CA10: variants seen among roughly 807,000 people sequenced by gnomAD.
CA10 encodes carbonic anhydrase 10 (inactive).
A neutral mutation model predicts 44.2 loss-of-function variants in CA10; 14 were observed. The ratio of observed to expected loss-of-function variants is 0.32; its 90% CI spans 0.21 to 0.50. The LOEUF is 0.50. Among genes scored for constraint, CA10 ranks in the 20% least tolerant of loss-of-function variants. CA10 has a pLI of 0.99. For missense variants in CA10, 350 were observed against 409.7 expected (o/e 0.85, Z 1.26); for synonymous variants, 159 against 141.6 (o/e 1.12, Z -0.87).
At chr17:51,822,969 C>T (rs1412138450) in intron 3 of CA10, among the ~76,000 whole-genome samples, 1 of 152,242 alleles carries the variant, frequency 6.6e-6, no homozygotes, top group South Asian at 2.1e-4. Flanking sequence ...CAACTGCCCT[C>T]CCCCACCCAC....
At chr17:52,101,580 A>G (rs1988540701) in intron 1 of CA10, among the ~76,000 whole-genome samples, 1 of 152,190 alleles carries the variant, frequency 6.6e-6, no homozygotes, top group Admixed American at 6.5e-5. Context: ...GATGCTTTTG[A>G]CCAATCCACA....
At chr17:52,157,191 T>C (rs1598245406) in intron 1 of CA10, among the ~76,000 whole-genome samples, 1 of 151,652 alleles carries the variant, frequency 6.6e-6, no homozygotes, top group South Asian at 2.1e-4. Context: ...TGTCAGCAGG[T>C]TTCAAAGCAT....
At chr17:52,089,345 C>A (rs1988201721) in intron 1 of CA10, among the ~76,000 whole-genome samples, 1 of 152,128 alleles carries the variant, frequency 6.6e-6, no homozygotes, top group Non-Finnish European at 1.5e-5. Flanking sequence ...GGCATTAGGT[C>A]TTGGACTTGA....
intron 2 of CA10, among the ~76,000 whole-genome samples, chr17:52,062,401 G>A (rs1444244620): frequency 6.6e-6 from 1 of 152,158 alleles, no homozygotes; most frequent in East Asian, 1.9e-4. Flanking sequence ...ATCCAGTGGT[G>A]CTGAGGGGTA....
intron 3 of CA10, among the ~76,000 whole-genome samples, chr17:51,751,752 C>T (rs1242603326): frequency 6.6e-6 from 1 of 152,298 alleles, no homozygotes; most frequent in East Asian, 1.9e-4. Context: ...AATGCAAGAT[C>T]ATATTGAAGG....
chr17:51,916,898 C>T (rs203065), intron 3 of CA10, among the ~76,000 whole-genome samples: 115,420 of 152,016 alleles, frequency 0.76, 44,202 homozygotes, highest in Non-Finnish European at 0.79. Flanking sequence ...CCATGGCCAC[C>T]GGAGTCCTTT....
At chr17:52,062,406 G>A (rs2143097522) in intron 2 of CA10, among the ~76,000 whole-genome samples, 2 of 152,298 alleles carry the variant, frequency 1.3e-5, no homozygotes, top group East Asian at 3.9e-4. Context: ...GTGGTGCTGA[G>A]GGGTAACCAC....
intron 3 of CA10, among the ~76,000 whole-genome samples, chr17:51,834,993 G>C (rs1330111278): frequency 1.3e-5 from 2 of 152,144 alleles, no homozygotes; most frequent in Non-Finnish European, 2.9e-5. Flanking sequence ...GTTGTGCTCT[G>C]GGAATGGGAC....
intron 3 of CA10, among the ~76,000 whole-genome samples, chr17:51,854,939 G>T (rs1287390995): frequency 3.9e-5 from 6 of 152,174 alleles, no homozygotes; most frequent in African/African-American, 1.4e-4. Context: ...GGAGAAAATG[G>T]AGGCACAGGG....
chr17:51,838,734 T>C (rs570128671), intron 3 of CA10, among the ~76,000 whole-genome samples: 14 of 152,312 alleles, frequency 9.2e-5, no homozygotes, highest in African/African-American at 3.4e-4. Flanking sequence ...CCTGTACTTC[T>C]CAAACACAAA....
intron 3 of CA10, among the ~76,000 whole-genome samples, chr17:51,825,753 T>C (rs1391865450): frequency 6.6e-6 from 1 of 152,218 alleles, no homozygotes; most frequent in Non-Finnish European, 1.5e-5. Context: ...TTGCCTTTTC[T>C]AAGGCTCAGA....
chr17:51,635,891 G>A lies in CA10; in HGVS notation c.753C>T (p.Ile251=). 1 of 1,608,460 alleles carries A rather than the reference G, an allele frequency of 6.2e-7. No homozygotes were observed. The highest frequency in any genetic ancestry group is 8.5e-7 in the Non-Finnish European group (1 of 1,176,540). ...TTATATAGACAGGTTTGTTCATTATGATCCAACTTGCTGTCTCATAGCAGG... is the reference window on the plus strand; with the variant it reads ...TTATATAGACAGGTTTGTTCATTATAATCCAACTTGCTGTCTCATAGCAGG... The part of the protein sequence containing the change: ...IPPCYETASW[I]IMNKPVYITR... The change falls in exon 7 of 9, where the codon ATC becomes ATT. Residue 251 remains isoleucine (I), a synonymous_variant. Transcript: ENST00000451037.
In CA10 at chr17:51,633,554, A is replaced by C; in HGVS notation, c.886T>G (p.Cys296Gly). The C allele has an allele frequency of 6.2e-7, 1 of 1,614,062 alleles. No individual in the cohort carries two copies. Among genetic ancestry groups the C allele is most frequent in the East Asian group, 2.2e-5 (1 of 44,878 alleles). ...CTGAAGTTGATATTGGTGCGGATGC[A>C]GCGGTTGTTGAGTGGCTGGACAGGC... Reference protein sequence around the residue: ...FRPVQPLNNRCIRTNINFSLQ... With the variant: ...FRPVQPLNNRGIRTNINFSLQ... The change falls in exon 8 of 9, where the codon TGC becomes GGC. Residue 296 changes from cysteine to glycine, a missense_variant. Coordinates refer to ENST00000451037, the MANE Select transcript of CA10 (RefSeq NM_020178.5).
At chr17:51,939,267 A>G (rs1768202677) in intron 2 of CA10, among the ~76,000 whole-genome samples, 3 of 152,118 alleles carry the variant, frequency 2.0e-5, no homozygotes, top group Admixed American at 2.0e-4. Context: ...CAGAACTTCT[A>G]CAGTTTGAAT....
At chr17:51,820,502 GTTCT>G (rs931746902) in intron 3 of CA10, among the ~76,000 whole-genome samples, 5 of 138,192 alleles carry the variant, frequency 3.6e-5, no homozygotes, top group African/African-American at 1.1e-4. Context: ...TATTGAGAAA[GTTCT>G]TTCTCATGTC....
intron 3 of CA10, among the ~76,000 whole-genome samples, chr17:51,888,857 A>G (rs1436642224): frequency 6.6e-6 from 1 of 152,194 alleles, no homozygotes. Context: ...ATTATAACTC[A>G]TGGTTCCATG....
chr17:51,806,852 C>T (rs1382494950), intron 3 of CA10, among the ~76,000 whole-genome samples: 1 of 152,182 alleles, frequency 6.6e-6, no homozygotes, highest in Non-Finnish European at 1.5e-5. Flanking sequence ...TGCTGAGCAC[C>T]TATAAGATAA....
intron 2 of CA10, among the ~76,000 whole-genome samples, chr17:51,947,960 A>T (rs203105): frequency 0.98 from 148,565 of 152,176 alleles, 72,604 homozygotes; most frequent in South Asian, 1. Flanking sequence ...GTAGCTGGGG[A>T]TAGACCAAAC....
At chr17:52,066,803 G>T (rs773521860) in intron 2 of CA10, among the ~76,000 whole-genome samples, 1 of 152,178 alleles carries the variant, frequency 6.6e-6, no homozygotes, top group Non-Finnish European at 1.5e-5. Flanking sequence ...GTGGCATTTT[G>T]CTCCACCCCA....
Sources: gnomAD v4.1 joint callset for allele counts (sites outside exome capture counted in the v4.1 genomes callset) on GRCh38, gnomAD v4.1.1 for gene constraint, MANE v1.5 for transcripts, NCBI Gene and HGNC (gene_info 2026-07-23, HGNC 2026-07-21) for gene names.